The following OPALIN variants were observed in gnomAD, a reference collection of about 807,000 sequenced individuals.
The protein encoded by OPALIN is oligodendrocytic myelin paranodal and inner loop protein.
In OPALIN, 15 loss-of-function variants were observed where a neutral mutation model predicts 17.8. That is an observed-to-expected ratio of 0.84 (90% CI 0.56 to 1.29). The LOEUF (loss-of-function observed/expected upper bound fraction) is 1.29, where lower values mean the gene tolerates loss of function less well. Ranked by LOEUF, OPALIN falls within the 50% of genes most tolerant of loss-of-function variation. OPALIN has a pLI of 0.00. For missense variants in OPALIN, 170 were observed against 176.0 expected (o/e 0.97, Z 0.19); for synonymous variants, 62 against 63.8 (o/e 0.97, Z 0.14).
At chr10:96,347,302 C>T (rs959829856) in intron 5 of OPALIN, among the ~76,000 whole-genome samples, 2 of 152,066 alleles carry the variant, frequency 1.3e-5, no homozygotes, top group Admixed American at 1.3e-4. Flanking sequence ...CCATGTTGGC[C>T]AGGCTGGTCT....
intron 1 of OPALIN, among the ~76,000 whole-genome samples, chr10:96,355,528 G>A (rs539467370): frequency 1.3e-5 from 2 of 152,202 alleles, no homozygotes; most frequent in Admixed American, 6.5e-5. Flanking sequence ...CCAGGTCCTC[G>A]ACCAGGATCA....
rs377425863 is a variant in OPALIN at position 96,346,107 on chromosome 10, C to G, written c.260G>C (p.Arg87Thr). ...DNPKISENPR[R>T]SPTHEKNTMG... is the part of the protein sequence containing the mutation. ...CGTATTCTTCTCATGTGTGGGTGAT[C>G]TCCTAGGATTCTTAAGGAAACAAAT... Residue 87 changes from arginine to threonine, a missense_variant, in exon 6 of 6, where the codon AGA (arginine) becomes ACA (threonine). Coordinates refer to ENST00000371172, the MANE Select transcript of OPALIN (RefSeq NM_033207.5). 3.7e-6 allele frequency: 6 copies of G among 1,613,422 alleles called. No individual in the cohort carries two copies. In the African/African-American group the frequency reaches 8.0e-5, roughly 22 times the overall value.
chr10:96,346,053 A>T lies in OPALIN; in HGVS notation c.314T>A (p.Val105Glu), dbSNP rs1391188048. 6.2e-7 allele frequency: 1 copy of T among 1,614,164 alleles called. No individual in the cohort carries two copies. The highest frequency in any genetic ancestry group is 8.5e-7 in the Non-Finnish European group (1 of 1,179,990). Reference sequence around the variant, plus strand: ...TTCCTCGCTTCCTGCTACAGTCTTCACATATATGTGGGCCTCTTGTGCTCC... The same window carrying T: ...TTCCTCGCTTCCTGCTACAGTCTTCTCATATATGTGGGCCTCTTGTGCTCC... ...TMGAQEAHIY[V>E]KTVAGSEEPV... The change falls in exon 6 of 6, where the codon GTG becomes GAG. Residue 105 changes from valine (V) to glutamate (E), a missense_variant. By Grantham distance (121) the Val-to-Glu change is moderately radical. Coordinates refer to ENST00000371172, the MANE Select transcript of OPALIN (RefSeq NM_033207.5).
At chr10:96,353,814 G>A (rs937272249) in intron 2 of OPALIN, among the ~76,000 whole-genome samples, 2 of 152,172 alleles carry the variant, frequency 1.3e-5, no homozygotes, top group Non-Finnish European at 2.9e-5. Flanking sequence ...GAAGAATTAG[G>A]GAATTTGCCT....
At chr10:96,358,759 T>G (rs1228010250) in intron 1 of OPALIN, 135 bp downstream of exon 1, 28 of 931,498 alleles carry the variant, frequency 3.0e-5, no homozygotes, top group Non-Finnish European at 3.9e-5. Context: ...GTTTAAAAAA[T>G]TATTGGTATT....
At chr10:96,351,071 G>A (rs905142505) in intron 3 of OPALIN, among the ~76,000 whole-genome samples, 2 of 152,192 alleles carry the variant, frequency 1.3e-5, no homozygotes, top group East Asian at 3.8e-4. Context: ...GCCTCCTTGT[G>A]CGTGACCACT....
Position 96,358,521 on chromosome 10 carries a change from CAAGA to C in OPALIN, c.3+369_3+372del, listed in dbSNP as rs1215399359. On this transcript the variant is annotated intron_variant, in intron 1 of 5. Transcript: ENST00000371172. ...CAACAAAATATTTATCACAAGTAAA[CAAGA>C]AAGATGGAAAATTTCTGATCAATGA... 1.6e-4 allele frequency among the ~76,000 whole-genome samples: 24 copies of C among 152,126 alleles called. 1 individual carries two copies. Among genetic ancestry groups the C allele is most frequent in the African/African-American group, 5.8e-4 (24 of 41,426 alleles).
At position 96,349,845 on chromosome 10, in the gene OPALIN, C is replaced by T; in HGVS notation, c.73-19G>A. The T allele has an allele frequency of 6.2e-7, 1 of 1,605,690 alleles. No homozygotes were observed. Among genetic ancestry groups the T allele is most frequent in the East Asian group, 2.2e-5 (1 of 44,782 alleles). On this transcript the variant is annotated intron_variant, in intron 3 of 5. Coordinates refer to ENST00000371172, the MANE Select transcript of OPALIN (RefSeq NM_033207.5). ...CACAGTCCTGGCACAGAATGAAAAA[C>T]ACAGGGTCAGAGGAAGCCCAGAGTC...
Position 96,344,682 on chromosome 10 carries a change from G to A in OPALIN, c.*1259C>T, listed in dbSNP as rs73320790. 3,326 of 152,194 alleles carry A rather than the reference G, an allele frequency of 0.022. 143 individuals are homozygous for A. The highest frequency in any genetic ancestry group is 0.074 in the African/African-American group (3,079 of 41,494). The allele number at this position is 152,194 out of a possible 1,614,324, so 9.4% of individuals were successfully genotyped here. A position where few individuals can be genotyped will look rare whatever the true frequency, so the allele number is the denominator to read the frequency against. ...GCAAGCTGAAGCGGCAATGCTATGC[G>A]TGGGCTTAAGGGCTCTTGTTTAATC... On this transcript the variant is annotated 3_prime_UTR_variant, in exon 6 of 6. Transcript: ENST00000371172.
rs61616596 is a variant in OPALIN, at chr10:96,358,186, T to TAAAAAAAAAAAAA, written c.3+695_3+707dup. On this transcript the variant is annotated intron_variant, in intron 1 of 5. Coordinates refer to ENST00000371172, the MANE Select transcript of OPALIN (RefSeq NM_033207.5). ...CTACTCCTTTTAACAATGCTTTTTG[T>TAAAAAAAAAAAAA]AAAAAAAAAAAAAAAAAAAAAAAAA... Among the ~76,000 whole-genome samples, 156 of 61,564 alleles carry TAAAAAAAAAAAAA rather than the reference T, an allele frequency of 2.5e-3. 7 individuals are homozygous for TAAAAAAAAAAAAA. Among genetic ancestry groups the TAAAAAAAAAAAAA allele is most frequent in the East Asian group, 0.011 (13 of 1,140 alleles). The allele number at this position is 61,564 out of a possible 152,430, so 40.4% of individuals were successfully genotyped here. A position where few individuals can be genotyped will look rare whatever the true frequency, so the allele number is the denominator to read the frequency against.
chr10:96,351,352 T>G, intron 3 of OPALIN, 26 bp downstream of exon 3: 2 of 1,379,518 alleles, frequency 1.4e-6, no homozygotes, highest in East Asian at 2.4e-5. Flanking sequence ...TTATCCCCAT[T>G]TTATAAATTT....
rs527360891 is a variant in OPALIN, at chr10:96,355,208, A to G, written c.39+47T>C. On this transcript the variant is annotated intron_variant, in intron 2 of 5. Transcript: ENST00000371172. ...TCTGGAGACCTACTGTAAATTCTGCACTGGTCTTCTCTGCGTTGCCTGGTG... is the reference window on the plus strand; with the variant it reads ...TCTGGAGACCTACTGTAAATTCTGCGCTGGTCTTCTCTGCGTTGCCTGGTG... The G allele has an allele frequency of 5.1e-6, 8 of 1,568,024 alleles. No individual in the cohort carries two copies. The South Asian group carries it at 7.8e-5, about 15-fold the overall frequency.
rs538699460 is a variant in OPALIN at position 96,357,109 on chromosome 10, G to A, written c.3+1785C>T. ...AAGGGACCTAACCACTGCTCTTCACGCTAGCACCAGACCAACACGTGCTGC... is the reference window on the plus strand; with the variant it reads ...AAGGGACCTAACCACTGCTCTTCACACTAGCACCAGACCAACACGTGCTGC... On this transcript the variant is annotated intron_variant, in intron 1 of 5. Transcript: ENST00000371172. 2,757 of 985,374 alleles carry A rather than the reference G, an allele frequency of 2.8e-3. 4 individuals carry two copies. The highest frequency in any genetic ancestry group is 3.2e-3 in the Non-Finnish European group (2,658 of 829,930). The allele number at this position is 985,374 out of a possible 1,614,324, so 61.0% of individuals were successfully genotyped here. A position where few individuals can be genotyped will look rare whatever the true frequency, so the allele number is the denominator to read the frequency against.
At chr10:96,357,375 T>C (rs546786977) in intron 1 of OPALIN, among the ~76,000 whole-genome samples, 1 of 152,320 alleles carries the variant, frequency 6.6e-6, no homozygotes, top group Non-Finnish European at 1.5e-5. Context: ...AGTGCTCTCA[T>C]GGAGAGAAAA....
At chr10:96,350,733 C>T (rs1011119843) in intron 3 of OPALIN, among the ~76,000 whole-genome samples, 3 of 152,074 alleles carry the variant, frequency 2.0e-5, no homozygotes, top group African/African-American at 4.8e-5. Flanking sequence ...AATGCATTAA[C>T]CTATTAATTT....
chr10:96,358,765 G>C (rs1271879903), intron 1 of OPALIN, 129 bp downstream of exon 1: 1 of 957,202 alleles, frequency 1.0e-6, no homozygotes, highest in African/African-American at 1.7e-5. Context: ...AAAATTATTG[G>C]TATTTTGCAT....
chr10:96,358,579 A>C (rs1845901973), intron 1 of OPALIN, among the ~76,000 whole-genome samples: 3 of 152,262 alleles, frequency 2.0e-5, no homozygotes, highest in Admixed American at 6.5e-5. Flanking sequence ...ATGATGGAAC[A>C]AAAAGCCAGA....
intron 3 of OPALIN, among the ~76,000 whole-genome samples, chr10:96,350,711 T>G (rs772484600): frequency 1.2e-4 from 18 of 152,198 alleles, no homozygotes; most frequent in Non-Finnish European, 2.2e-4. Context: ...CAAAAAAAAT[T>G]TATTTGCAAT....
chr10:96,357,400 A>C (rs540423210), intron 1 of OPALIN, among the ~76,000 whole-genome samples: 194 of 152,334 alleles, frequency 1.3e-3, no homozygotes, highest in Non-Finnish European at 2.3e-3. Context: ...CGCACAAATT[A>C]GGGTGGAGAA....
Sources: gnomAD v4.1 joint callset for allele counts (sites outside exome capture counted in the v4.1 genomes callset) on GRCh38, gnomAD v4.1.1 for gene constraint, MANE v1.5 for transcripts, NCBI Gene and HGNC (gene_info 2026-07-23, HGNC 2026-07-21) for gene names.